The following TRPV2 variants were observed in gnomAD, a reference collection of about 807,000 sequenced individuals.
TRPV2 encodes transient receptor potential cation channel subfamily V member 2.
A neutral mutation model predicts 91.0 loss-of-function variants in TRPV2; 58 were observed. That is an observed-to-expected ratio of 0.64 (90% CI 0.52 to 0.79). The LOEUF (loss-of-function observed/expected upper bound fraction) is 0.79. Among genes scored for constraint, TRPV2 ranks in the 30% least tolerant of loss-of-function variants. The pLI is 0.00. For synonymous variants in TRPV2, 417 were observed against 414.8 expected, an observed-to-expected ratio of 1.01 and a Z score of -0.06; for missense variants, 807 against 969.6, an observed-to-expected ratio of 0.83 and a Z score of 2.23.
At chr17:16,423,833 G>T in intron 5 of TRPV2, 66 bp downstream of exon 5, 1 of 1,470,310 alleles carries the variant, frequency 6.8e-7, no homozygotes, top group African/African-American at 1.4e-5. Flanking sequence ...CAAAATTTCT[G>T]CAGAAAGAAC....
rs144020888 is a variant in TRPV2, at chr17:16,422,780, G to A, written c.516G>A (p.Glu172=). ...ACAGCGCTCTGCACATCGCCATTGA[G>A]AAGAGGAGTCTGCAGTGTGTGAAGC... ...RGHSALHIAI[E]KRSLQCVKLL... Residue 172 remains glutamate (E), a synonymous_variant, in exon 4 of 15, where the codon GAG becomes GAA. Coordinates refer to ENST00000338560, the MANE Select transcript of TRPV2 (RefSeq NM_016113.5). The A allele has an allele frequency of 1.3e-6, 2 of 1,574,302 alleles. No homozygotes were observed. Among genetic ancestry groups the A allele is most frequent in the African/African-American group, 2.7e-5 (2 of 73,924 alleles).
chr17:16,416,751 G>A (rs1172444426), intron 1 of TRPV2: 4 of 152,236 alleles, frequency 2.6e-5, no homozygotes, highest in Admixed American at 6.5e-5. Context: ...GCCAACAACT[G>A]GCGACCTTGG....
Position 16,436,946 on chromosome 17 carries a change from C to A in TRPV2, c.*57C>A. 1 of 1,363,810 alleles carries A rather than the reference C, an allele frequency of 7.3e-7. No individual in the cohort carries two copies. The highest frequency in any genetic ancestry group is 1.0e-6 in the Non-Finnish European group (1 of 955,960). The allele number at this position is 1,363,810 out of a possible 1,614,324, so 84.5% of individuals were successfully genotyped here. On this transcript the variant is annotated 3_prime_UTR_variant, in exon 15 of 15. Transcript: ENST00000338560. Reference sequence around the variant, plus strand: ...GAGCAGAGGATCTTTCCAACCACATCTGCTGGCTCTGGGGTCCCAGTGAAT... The same window carrying A: ...GAGCAGAGGATCTTTCCAACCACATATGCTGGCTCTGGGGTCCCAGTGAAT...
In TRPV2 at chr17:16,428,728, T is replaced by C. The variant is rs1453310336; in HGVS notation, c.1422-89T>C. 6 of 1,486,070 alleles carry C rather than the reference T, an allele frequency of 4.0e-6. No homozygotes were observed. The Admixed American group carries it at 7.4e-5, about 18-fold the overall frequency. The allele number at this position is 1,486,070 out of a possible 1,614,324, so 92.1% of individuals were successfully genotyped here. A position where few individuals can be genotyped will look rare whatever the true frequency, so the allele number is the denominator to read the frequency against. ...CAGAGGTTAAATGTCTTGCCTAAGA[T>C]GGAGGTCAGGACCTTGGTCAGCATA... On this transcript the variant is annotated intron_variant, in intron 9 of 14. Coordinates refer to ENST00000338560, the MANE Select transcript of TRPV2 (RefSeq NM_016113.5).
In TRPV2 at chr17:16,426,235, T is replaced by C. The variant is rs2093382521; in HGVS notation, c.1061T>C (p.Val354Ala). The C allele has an allele frequency of 1.9e-6, 3 of 1,614,162 alleles. No homozygotes were observed. The highest frequency in any genetic ancestry group is 1.3e-5 in the African/African-American group (1 of 75,042). ...ASVDSCEENSVLEIIAFHCKS... is the reference protein window; with the variant it reads ...ASVDSCEENSALEIIAFHCKS... ...GTGGACAGCTGTGAGGAGAACTCAG[T>C]GCTGGAGATCATTGCCTTTCATTGC... Residue 354 changes from valine to alanine, a missense_variant, in exon 6 of 15, where the codon GTG (valine) becomes GCG (alanine). By Grantham distance (64) the Val-to-Ala change is moderately conservative. Transcript: ENST00000338560. This position sits in a 1 kb window ranked among gnomAD's most constrained non-coding sequence, Gnocchi z 6.0.
chr17:16,420,455 C>T (rs1277685166), intron 3 of TRPV2, among the ~76,000 whole-genome samples: 1 of 152,212 alleles, frequency 6.6e-6, no homozygotes, highest in African/African-American at 2.4e-5. Context: ...TTCCACCCAC[C>T]CCTCAGGCCT....
chr17:16,433,947 T>C (rs1418898842), intron 13 of TRPV2, among the ~76,000 whole-genome samples: 1 of 152,154 alleles, frequency 6.6e-6, no homozygotes, highest in Non-Finnish European at 1.5e-5. Context: ...GATCTCAGAC[T>C]CCTCCTTGTA....
intron 1 of TRPV2, 49 bp from the exon 2 acceptor site, chr17:16,417,513 C>T: frequency 2.8e-6 from 2 of 718,664 alleles, no homozygotes; most frequent in Non-Finnish European, 2.3e-6. Flanking sequence ...GGATTACACC[C>T]AGCCACCACG....
At chr17:16,429,327 C>T (rs191113429) in intron 10 of TRPV2, among the ~76,000 whole-genome samples, 65 of 152,332 alleles carry the variant, frequency 4.3e-4, no homozygotes, top group Non-Finnish European at 4.4e-5. Flanking sequence ...TTTATGTATT[C>T]AGCGCATGTT....
chr17:16,436,874 C>A lies in TRPV2; in HGVS notation c.2280C>A (p.Leu760=). 1 of 1,614,068 alleles carries A rather than the reference C, an allele frequency of 6.2e-7. No individual in the cohort carries two copies. The highest frequency in any genetic ancestry group is 8.5e-7 in the Non-Finnish European group (1 of 1,179,906). Residue 760 remains leucine (L), a synonymous_variant, in exon 15 of 15, where the codon CTC becomes CTA. Transcript: ENST00000338560. ...ASEENYVPVQ[L]LQSN Reference sequence around the variant, plus strand: ...AGGAAAACTATGTGCCCGTCCAGCTCCTCCAGTCCAACTGATGGCCCAGAT... The same window carrying A: ...AGGAAAACTATGTGCCCGTCCAGCTACTCCAGTCCAACTGATGGCCCAGAT...
chr17:16,433,787 G>T, intron 13 of TRPV2, 89 bp downstream of exon 13: 1 of 1,545,870 alleles, frequency 6.5e-7, no homozygotes. Flanking sequence ...GCTGCCAGGA[G>T]CCAGGTCTGG....
In TRPV2 at chr17:16,420,281, A is replaced by T. The variant is rs181787236; in HGVS notation, c.334+33A>T. Reference sequence around the variant, plus strand: ...CTGCCCTGTGGATCCAAGGCTAGGCATCCTGTGAGCTGATAGTTAGGTGGG... The same window carrying T: ...CTGCCCTGTGGATCCAAGGCTAGGCTTCCTGTGAGCTGATAGTTAGGTGGG... On this transcript the variant is annotated intron_variant, in intron 3 of 14. Transcript: ENST00000338560. 5,208 of 1,570,162 alleles carry T rather than the reference A, an allele frequency of 3.3e-3. 13 individuals carry two copies. Among genetic ancestry groups the T allele is most frequent in the Non-Finnish European group, 4.1e-3 (4,715 of 1,152,050 alleles).
At chr17:16,423,845 CA>C in intron 5 of TRPV2, 78 bp downstream of exon 5, 1 of 1,433,708 alleles carries the variant, frequency 7.0e-7, no homozygotes, top group Non-Finnish European at 9.2e-7. Flanking sequence ...AGAAAGAACC[CA>C]GGGGGTGGTG....
intron 9 of TRPV2, 37 bp from the exon 10 acceptor site, chr17:16,428,780 T>C: frequency 6.2e-7 from 1 of 1,611,352 alleles, no homozygotes; most frequent in Non-Finnish European, 8.5e-7. Context: ...GGGAGCCAAG[T>C]GGCCCGCAAG....
chr17:16,428,289 C>T, intron 8 of TRPV2, 28 bp from the exon 9 acceptor site: 5 of 1,612,406 alleles, frequency 3.1e-6, no homozygotes, highest in Non-Finnish European at 3.4e-6. Context: ...GCAGGTTTCA[C>T]AGCCCTCTGT....
Position 16,426,714 on chromosome 17 carries a change from C to T in TRPV2, c.1096-8C>T. On this transcript the variant is annotated splice_region_variant and splice_polypyrimidine_tract_variant and intron_variant, in intron 6 of 14. Coordinates refer to ENST00000338560, the MANE Select transcript of TRPV2 (RefSeq NM_016113.5). This position sits in a 1 kb window ranked among gnomAD's most constrained non-coding sequence, Gnocchi z 6.0. ...AGTGTACCCATGGCTCTCCCCTCCC[C>T]ACCCCAGCACCGACACCGAATGGTC... is the stretch of plus-strand genomic sequence containing the variant. The T allele has an allele frequency of 5.6e-6, 9 of 1,610,836 alleles. No individual in the cohort carries two copies. Among genetic ancestry groups the T allele is most frequent in the Non-Finnish European group, 7.6e-6 (9 of 1,178,404 alleles).
At chr17:16,425,903 G>T (rs370704981) in intron 5 of TRPV2, among the ~76,000 whole-genome samples, 196 bp from the exon 6 acceptor site, 1 of 152,216 alleles carries the variant, frequency 6.6e-6, no homozygotes, top group Non-Finnish European at 1.5e-5. Flanking sequence ...GCAGGCTGGG[G>T]CAGATGTGGC....
In TRPV2 at chr17:16,432,273, T is replaced by C; in HGVS notation, c.1962T>C (p.Thr654=). Residue 654 remains threonine, a synonymous_variant, in exon 12 of 15, where the codon ACT becomes ACC. Transcript: ENST00000338560. ...LMSETVNSVA[T]DSWSIWKLQK... ...GCGAGACCGTCAACAGTGTCGCCAC[T>C]GACAGCTGGAGCATCTGGAAGCTGC... The C allele has an allele frequency of 6.2e-7, 1 of 1,610,384 alleles. No homozygotes were observed. Among genetic ancestry groups the C allele is most frequent in the Non-Finnish European group, 8.5e-7 (1 of 1,176,994 alleles).
intron 12 of TRPV2, among the ~76,000 whole-genome samples, chr17:16,432,762 A>G (rs553975530): frequency 8.0e-5 from 12 of 150,670 alleles, no homozygotes; most frequent in Non-Finnish European, 1.5e-4. Flanking sequence ...CAGGTGCTCA[A>G]TGTGCTACCA....
Sources: allele counts gnomAD v4.1 joint callset (sites outside exome capture counted in the v4.1 genomes callset), GRCh38; gene constraint gnomAD v4.1.1; non-coding constraint Gnocchi (gnomAD v3.1); transcripts MANE v1.5; gene names NCBI Gene and HGNC (gene_info 2026-07-23, HGNC 2026-07-21).